The following XRN1 variants were observed in gnomAD, a reference collection of about 807,000 sequenced individuals.
XRN1 encodes strand-exchange protein 1 homolog.
In XRN1, 67 loss-of-function variants were observed where a neutral mutation model predicts 222.3. The observed-to-expected ratio is 0.30, with a 90% CI of 0.25 to 0.37. The LOEUF is 0.37. XRN1 is among the 10% of genes least tolerant of loss of function. XRN1 has a pLI of 1.00. For synonymous variants in XRN1, 643 were observed against 652.4 expected (o/e 0.99, Z 0.22); for missense variants, 1,707 against 2,000.2 (o/e 0.85, Z 2.80).
chr3:142,370,621 C>A lies in XRN1; in HGVS notation c.3069-1G>T. 1 of 1,566,850 alleles carries A rather than the reference C, an allele frequency of 6.4e-7. No homozygotes were observed. The highest frequency in any genetic ancestry group is 8.6e-7 in the Non-Finnish European group (1 of 1,163,492). Reference sequence around the variant, plus strand: ...AATAATTTCTTGAACTTTTTCAGCACTAAAGCAAAAACAATAATTTTTAAA... The same window carrying A: ...AATAATTTCTTGAACTTTTTCAGCAATAAAGCAAAAACAATAATTTTTAAA... On this transcript the variant is annotated splice_acceptor_variant, in intron 26 of 40. Transcript: ENST00000392981. LOFTEE classifies it high-confidence loss of function.
intron 32 of XRN1, among the ~76,000 whole-genome samples, chr3:142,354,153 A>G (rs2066394153): frequency 6.6e-6 from 1 of 152,328 alleles, no homozygotes; most frequent in Non-Finnish European, 1.5e-5. Flanking sequence ...GTAAAATAAG[A>G]CATATCAGTG....
At chr3:142,380,682 C>G (rs1209247483) in intron 22 of XRN1, among the ~76,000 whole-genome samples, 1 of 151,708 alleles carries the variant, frequency 6.6e-6, no homozygotes, top group East Asian at 1.9e-4. Flanking sequence ...GCAACAGGGT[C>G]TTGCTCTGTC....
chr3:142,447,436 C>A lies in XRN1; in HGVS notation c.75+434G>T, dbSNP rs1219768078. ...GGAAAGTAAACAAGGTGACTGCGTGCGGAAGCGGCTGTTATCGTCTGTAAG... is the reference window on the plus strand; with the variant it reads ...GGAAAGTAAACAAGGTGACTGCGTGAGGAAGCGGCTGTTATCGTCTGTAAG... On this transcript the variant is annotated intron_variant, in intron 1 of 40. Transcript: ENST00000392981. The surrounding 1 kb of genome is among the most constrained non-coding windows in gnomAD (Gnocchi z 4.2). Among the ~76,000 whole-genome samples the A allele has an allele frequency of 6.6e-6, 1 of 152,170 alleles. No individual in the cohort carries two copies. The highest frequency in any genetic ancestry group is 1.5e-5 in the Non-Finnish European group (1 of 68,024).
At chr3:142,440,979 G>T (rs144510568) in intron 1 of XRN1, among the ~76,000 whole-genome samples, 98 of 152,234 alleles carry the variant, frequency 6.4e-4, no homozygotes, top group African/African-American at 2.3e-3. Context: ...CTTGTCCTTC[G>T]GTACGCGGAT....
At chr3:142,437,451 A>G (rs1177947410) in intron 1 of XRN1, among the ~76,000 whole-genome samples, 1 of 152,176 alleles carries the variant, frequency 6.6e-6, no homozygotes, top group Non-Finnish European at 1.5e-5. Context: ...CTAAAACATA[A>G]TCTGATCACA....
At chr3:142,411,518 C>T (rs2068580309) in intron 15 of XRN1, among the ~76,000 whole-genome samples, 1 of 151,972 alleles carries the variant, frequency 6.6e-6, no homozygotes, top group Non-Finnish European at 1.5e-5. Context: ...ACCATGGATC[C>T]CTTTTTTTTC....
intron 25 of XRN1, among the ~76,000 whole-genome samples, chr3:142,374,231 C>T (rs931502219): frequency 6.6e-6 from 1 of 151,972 alleles, no homozygotes; most frequent in African/African-American, 2.4e-5. Context: ...AACTGAATTC[C>T]TAGGATGACA....
rs112542796 is a variant in XRN1 at position 142,329,706 on chromosome 3, G to C, written c.4223-91C>G. The stretch of plus-strand genomic sequence containing the variant: ...GTAGGGTTTTATAGAAGAGCAAGCA[G>C]GAAACTGCTAAAAAGTGAAGTGAAT... On this transcript the variant is annotated intron_variant, in intron 36 of 40. Coordinates refer to ENST00000392981, the MANE Select transcript of XRN1 (RefSeq NM_001282857.2). 2,198 of 1,271,758 alleles carry C rather than the reference G, an allele frequency of 1.7e-3. 33 individuals are homozygous for C. The African/African-American group carries it at 0.029, about 17-fold the overall frequency. The allele number at this position is 1,271,758 out of a possible 1,614,324, so 78.8% of individuals were successfully genotyped here.
chr3:142,402,213 G>A (rs953506866), intron 18 of XRN1, among the ~76,000 whole-genome samples: 6 of 150,198 alleles, frequency 4.0e-5, no homozygotes, highest in African/African-American at 4.9e-5. Context: ...ATGGAGTTTC[G>A]CTCTTGTCAC....
In XRN1 at chr3:142,311,538, A is replaced by G; in HGVS notation, c.5058T>C (p.Asn1686=). The G allele has an allele frequency of 6.2e-7, 1 of 1,608,942 alleles. No homozygotes were observed. The highest frequency in any genetic ancestry group is 8.5e-7 in the Non-Finnish European group (1 of 1,176,758). The change falls in exon 41 of 41, where the codon AAT becomes AAC. Residue 1686 remains asparagine, a synonymous_variant. Transcript: ENST00000392981. ...SRRKSRKLAV[N]FGVSKPSE The stretch of plus-strand genomic sequence containing the variant: ...ACTCAGAAGGTTTAGAAACACCAAA[A>G]TTAACAGCCAGTTTTCTTGATTTTC...
At chr3:142,432,519 T>C (rs562202092) in intron 2 of XRN1, 142 bp downstream of exon 2, 12 of 765,510 alleles carry the variant, frequency 1.6e-5, no homozygotes, top group Non-Finnish European at 2.3e-5. Flanking sequence ...TGGTAAAATA[T>C]GACACTGAGA....
At chr3:142,437,494 A>T (rs2069967291) in intron 1 of XRN1, among the ~76,000 whole-genome samples, 1 of 152,178 alleles carries the variant, frequency 6.6e-6, no homozygotes. Flanking sequence ...AGGATACTAC[A>T]AATCCTTAAT....
At chr3:142,352,316 G>A (rs1199557164) in intron 32 of XRN1, among the ~76,000 whole-genome samples, 1 of 152,032 alleles carries the variant, frequency 6.6e-6, no homozygotes, top group African/African-American at 2.4e-5. Context: ...GTACAGTACT[G>A]GACTCAGAAT....
At chr3:142,443,706 C>T (rs1187553478) in intron 1 of XRN1, among the ~76,000 whole-genome samples, 1 of 152,192 alleles carries the variant, frequency 6.6e-6, no homozygotes, top group East Asian at 1.9e-4. Flanking sequence ...CCATATGATC[C>T]CAGCAACCCC....
chr3:142,382,981 C>G (rs1440860691), intron 22 of XRN1, among the ~76,000 whole-genome samples: 1 of 152,108 alleles, frequency 6.6e-6, no homozygotes, highest in East Asian at 1.9e-4. Context: ...TCACTCAAGC[C>G]TATTACATGT....
intron 39 of XRN1, chr3:142,313,180 A>C (rs770982211): frequency 6.2e-7 from 1 of 1,612,338 alleles, no homozygotes; most frequent in Non-Finnish European, 8.5e-7. Flanking sequence ...CCAGCCTACA[A>C]AAAAACCAAA....
At chr3:142,369,606 CCACTT>C (rs1489057652) in intron 27 of XRN1, among the ~76,000 whole-genome samples, 12 of 150,028 alleles carry the variant, frequency 8.0e-5, no homozygotes, top group African/African-American at 3.0e-4. Context: ...CGAGATCATG[CCACTT>C]CACTCCAGCC....
intron 2 of XRN1, among the ~76,000 whole-genome samples, chr3:142,430,817 G>A (rs368694393): frequency 9.2e-5 from 14 of 152,178 alleles, no homozygotes; most frequent in Non-Finnish European, 1.8e-4. Flanking sequence ...GACACAGCCT[G>A]ATCTCACTGT....
Position 142,403,911 on chromosome 3 carries a change from T to C in XRN1, c.1962A>G (p.Leu654=), listed in dbSNP as rs370442867. 91 of 1,612,934 alleles carry C rather than the reference T, an allele frequency of 5.6e-5. No homozygotes were observed. Among genetic ancestry groups the C allele is most frequent in the Non-Finnish European group, 7.0e-5 (83 of 1,179,310 alleles). The change falls in exon 17 of 41, where the codon TTA becomes TTG. Residue 654 remains leucine, a synonymous_variant. Coordinates refer to ENST00000392981, the MANE Select transcript of XRN1 (RefSeq NM_001282857.2). ...NKITRIDQKA[L]YFCGFPTLKH... is the part of the protein sequence containing the mutation. ...TCAGAGTAGGAAATCCACAGAAATA[T>C]AATGCTTTCTGGTCAATTCTGGTTA...
Sources: gnomAD v4.1 joint callset for allele counts (sites outside exome capture counted in the v4.1 genomes callset) on GRCh38, gnomAD v4.1.1 for gene constraint, Gnocchi (gnomAD v3.1) non-coding constraint, MANE v1.5 for transcripts, NCBI Gene and HGNC (gene_info 2026-07-23, HGNC 2026-07-21) for gene names.